Variants in ADGRV1 observed in about 807,000 individuals in gnomAD.
The protein encoded by ADGRV1 is G-protein coupled receptor 98.
In ADGRV1, 359 loss-of-function variants were observed where a neutral mutation model predicts 596.2. The ratio of observed to expected loss-of-function variants is 0.60; its 90% CI spans 0.55 to 0.66. The LOEUF (loss-of-function observed/expected upper bound fraction) is 0.66, where lower values mean the gene tolerates loss of function less well. ADGRV1 is among the 30% of genes least tolerant of loss of function. ADGRV1 has a pLI of 0.00. For synonymous variants in ADGRV1, 2,681 were observed against 2,679.2 expected (o/e 1.00, Z -0.02); for missense variants, 7,274 against 7,575.6 (o/e 0.96, Z 1.48).
At chr5:90,723,302 A>C (rs934560226) in intron 45 of ADGRV1, among the ~76,000 whole-genome samples, 1 of 152,146 alleles carries the variant, frequency 6.6e-6, no homozygotes, top group Non-Finnish European at 1.5e-5. Flanking sequence ...AGACCCAAGC[A>C]TGTGTAGGTT....
intron 71 of ADGRV1, among the ~76,000 whole-genome samples, chr5:90,803,294 C>T (rs62373985): frequency 0.053 from 8,109 of 152,176 alleles, 267 homozygotes; most frequent in South Asian, 0.1. Context: ...GATATGGTTG[C>T]AACTAAGTAT....
intron 1 of ADGRV1, among the ~76,000 whole-genome samples, chr5:90,613,698 T>C (rs1451405050): frequency 6.6e-6 from 1 of 152,114 alleles, no homozygotes; most frequent in Non-Finnish European, 1.5e-5. Context: ...GTCAGAAGTG[T>C]GTGAGACATC....
At chr5:90,675,095 G>A in intron 23 of ADGRV1, 148 bp from the exon 24 acceptor site, 1 of 597,216 alleles carries the variant, frequency 1.7e-6, no homozygotes. Context: ...AAGCATGTTA[G>A]TTAAATCTTT....
chr5:90,754,896 A>C, intron 54 of ADGRV1, 87 bp from the exon 55 acceptor site: 1 of 858,486 alleles, frequency 1.2e-6, no homozygotes, highest in African/African-American at 1.7e-5. Context: ...TACAAGGGAT[A>C]GAGTAGAGTG....
At chr5:90,763,163 AT>A (rs1263883168) in intron 58 of ADGRV1, 141 bp from the exon 59 acceptor site, 3 of 757,980 alleles carry the variant, frequency 4.0e-6, no homozygotes, top group African/African-American at 1.8e-5. Context: ...GGTAAAAAAA[AT>A]TTTTCTGCCA....
intron 85 of ADGRV1, among the ~76,000 whole-genome samples, chr5:91,033,705 A>G (rs1417575143): frequency 1.3e-5 from 2 of 152,012 alleles, no homozygotes; most frequent in Non-Finnish European, 2.9e-5. Flanking sequence ...CCAGTGTGAC[A>G]TTTTGTTGTG....
At chr5:91,061,502 A>C (rs1034995993) in intron 85 of ADGRV1, among the ~76,000 whole-genome samples, 17 of 152,206 alleles carry the variant, frequency 1.1e-4, no homozygotes, top group African/African-American at 3.9e-4. Context: ...TTATTAACCA[A>C]GAGCTAATTA....
intron 84 of ADGRV1, among the ~76,000 whole-genome samples, chr5:90,969,422 G>A (rs1184406449): frequency 6.6e-6 from 1 of 152,100 alleles, no homozygotes; most frequent in Non-Finnish European, 1.5e-5. Context: ...TTTGAGTGAG[G>A]TGGACACTAA....
chr5:90,871,802 G>A (rs1768710322), intron 83 of ADGRV1, among the ~76,000 whole-genome samples: 1 of 152,178 alleles, frequency 6.6e-6, no homozygotes, highest in Non-Finnish European at 1.5e-5. Flanking sequence ...AGCGTAGGGG[G>A]AAGTGTCTCA....
In ADGRV1 at chr5:90,691,169, T is replaced by G. The variant is rs777754178; in HGVS notation, c.6951+128T>G. ...ATTATTCCTGCAAGAATGTTCAAAC[T>G]ATGCTAGTGTGAAAGTGATCCTTAC... On this transcript the variant is annotated intron_variant, in intron 31 of 89. Coordinates refer to ENST00000405460, the MANE Select transcript of ADGRV1 (RefSeq NM_032119.4). 4.0e-5 allele frequency: 48 copies of G among 1,196,554 alleles called. No individual in the cohort carries two copies. The South Asian group carries it at 5.3e-4, about 13-fold the overall frequency. The allele number at this position is 1,196,554 out of a possible 1,614,324, so 74.1% of individuals were successfully genotyped here. A position where few individuals can be genotyped will look rare whatever the true frequency, so the allele number is the denominator to read the frequency against.
In ADGRV1 at chr5:90,620,618, A is replaced by T. The variant is rs13180023; in HGVS notation, c.453+1437A>T. 4.9e-3 allele frequency among the ~76,000 whole-genome samples: 751 copies of T among 151,964 alleles called. 13 individuals are homozygous for T. In the East Asian group the frequency reaches 0.061, roughly 12 times the overall value. ...TTAGTTTAATTAGATCCCATTTGTC[A>T]ATTTTGTCTTTTGTTGCCATTGCTT... On this transcript the variant is annotated intron_variant, in intron 4 of 89. Coordinates refer to ENST00000405460, the MANE Select transcript of ADGRV1 (RefSeq NM_032119.4).
At position 90,653,553 on chromosome 5, in the gene ADGRV1, G is replaced by A. The variant is rs2149467419; in HGVS notation, c.3979G>A (p.Ala1327Thr). The A allele has an allele frequency of 6.2e-7, 1 of 1,613,896 alleles. No homozygotes were observed. Among genetic ancestry groups the A allele is most frequent in the Admixed American group, 1.7e-5 (1 of 59,966 alleles). Residue 1327 changes from alanine to threonine, a missense_variant, in exon 20 of 90, where the codon GCT (alanine) becomes ACT (threonine). Physicochemically the swap from Ala to Thr is moderately conservative, Grantham distance 58. Around this residue, in one of 5 missense-constraint regions of ADGRV1, gnomAD observed 1,715 missense variants for 1,708.8 expected, o/e 1.00. Transcript: ENST00000405460. ...GCGGCGTCACCACAGTGGAACGGAT[G>A]CTTTGTACTTTACCGGACTAGAGGG... The part of the protein sequence containing the change: ...HMRRHHSGTD[A>T]LYFTGLEGAF...
chr5:90,566,280 G>C (rs974818322), intron 1 of ADGRV1, among the ~76,000 whole-genome samples: 1 of 152,032 alleles, frequency 6.6e-6, no homozygotes, highest in Admixed American at 6.5e-5. Flanking sequence ...TTTCATCTAA[G>C]AGTTTTATAG....
intron 1 of ADGRV1, among the ~76,000 whole-genome samples, chr5:90,579,107 C>T (rs573732585): frequency 1.3e-5 from 2 of 152,286 alleles, no homozygotes; most frequent in East Asian, 3.9e-4. Flanking sequence ...CTGTCTCCTT[C>T]AGTTCTGCTC....
intron 80 of ADGRV1, 116 bp downstream of exon 80, chr5:90,853,649 A>C: frequency 1.1e-6 from 1 of 881,042 alleles, no homozygotes; most frequent in Non-Finnish European, 1.7e-6. Flanking sequence ...ATGGTGAACT[A>C]CTATGAAATG....
At chr5:90,595,306 C>T (rs1441561666) in intron 1 of ADGRV1, among the ~76,000 whole-genome samples, 7 of 63,766 alleles carry the variant, frequency 1.1e-4, no homozygotes, top group South Asian at 1.0e-3. Context: ...GCGCCCCTCA[C>T]CTCCCAGACG....
At chr5:90,959,751 T>C (rs991363317) in intron 83 of ADGRV1, among the ~76,000 whole-genome samples, 1 of 151,970 alleles carries the variant, frequency 6.6e-6, no homozygotes, top group African/African-American at 2.4e-5. Flanking sequence ...TGGAAAAAAA[T>C]CAAAATAATT....
Position 90,753,705 on chromosome 5 carries a change from CA to C in ADGRV1, c.11256del (p.Gly3753ValfsTer13). Reference protein sequence around the residue: ...ITTEGVEDSYKGATIDQDRSK... With the variant: ...ITTEGVEDSYXGATIDQDRSK... Reference sequence around the variant, plus strand: ...CCACAGAAGGGGTTGAGGACTCATACAAAGGTGCTACTATTGATCAGGACAG... The same window carrying C: ...CCACAGAAGGGGTTGAGGACTCATACAAGGTGCTACTATTGATCAGGACAG... On this transcript the variant is annotated frameshift_variant, in exon 54 of 90. Transcript: ENST00000405460. LOFTEE classifies it high-confidence loss of function. 1 of 1,613,644 alleles carries C rather than the reference CA, an allele frequency of 6.2e-7. No individual in the cohort carries two copies. Among genetic ancestry groups the C allele is most frequent in the Non-Finnish European group, 8.5e-7 (1 of 1,179,698 alleles).
At chr5:90,959,156 C>G (rs1777756241) in intron 83 of ADGRV1, among the ~76,000 whole-genome samples, 1 of 151,870 alleles carries the variant, frequency 6.6e-6, no homozygotes, top group Non-Finnish European at 1.5e-5. Context: ...TTACAGGGTA[C>G]AAGATCAATA....
Sources: allele counts gnomAD v4.1 joint callset (sites outside exome capture counted in the v4.1 genomes callset), GRCh38; gene constraint gnomAD v4.1.1; regional missense constraint gnomAD v4.1.1; transcripts MANE v1.5; gene names NCBI Gene and HGNC (gene_info 2026-07-23, HGNC 2026-07-21).